CRISP2: variants seen among roughly 807,000 people sequenced by gnomAD.
CRISP2 encodes cysteine-rich secretory protein 2.
A neutral mutation model predicts 31.7 loss-of-function variants in CRISP2; 29 were observed. The ratio of observed to expected loss-of-function variants is 0.92; its 90% CI spans 0.68 to 1.25. The LOEUF is 1.25. Among genes scored for constraint, CRISP2 ranks in the 50% most tolerant of loss-of-function variants. The pLI is 0.00. For synonymous variants in CRISP2, 111 were observed against 101.4 expected (o/e 1.09, Z -0.57); for missense variants, 318 against 286.5 (o/e 1.11, Z -0.79).
At chr6:49,706,358 AAAAGATAACTTTGT>A (rs1425741623) in intron 4 of CRISP2, among the ~76,000 whole-genome samples, 2 of 152,174 alleles carry the variant, frequency 1.3e-5, no homozygotes, top group Non-Finnish European at 2.9e-5. Flanking sequence ...TGGGTTGCTT[AAAAGATAACTTTGT>A]AAAACTAAAA....
chr6:49,699,817 C>T lies in CRISP2; in HGVS notation c.258G>A (p.Glu86=). The T allele has an allele frequency of 6.2e-7, 1 of 1,610,938 alleles. No homozygotes were observed. The highest frequency in any genetic ancestry group is 8.5e-7 in the Non-Finnish European group (1 of 1,177,990). The change falls in exon 6 of 10, where the codon GAG becomes GAA. Residue 86 remains glutamate, a synonymous_variant. Coordinates refer to ENST00000339139, the MANE Select transcript of CRISP2 (RefSeq NM_003296.4). The part of the protein sequence containing the change: ...NKCTLQHSDP[E]DRKTSTRCGE... ...TAATTTACATACTGGTTTTGCGGTC[C>T]TCTGGATCACTATGTTGTAAAGTGC...
chr6:49,709,789 C>A (rs2127436058), intron 3 of CRISP2, among the ~76,000 whole-genome samples: 1 of 152,182 alleles, frequency 6.6e-6, no homozygotes, highest in Middle Eastern at 3.4e-3. Context: ...TGAATATTTT[C>A]AAATTTCTCT....
chr6:49,705,491 T>A (rs2127424969), intron 4 of CRISP2, among the ~76,000 whole-genome samples: 1 of 152,312 alleles, frequency 6.6e-6, no homozygotes, highest in South Asian at 2.1e-4. Context: ...ATTTCCCACC[T>A]ACTGCAGCTT....
chr6:49,709,283 G>T, intron 3 of CRISP2, 78 bp from the exon 4 acceptor site: 1 of 1,189,688 alleles, frequency 8.4e-7, no homozygotes, highest in Non-Finnish European at 1.2e-6. Flanking sequence ...CCAATATAAT[G>T]ATCTCGATTA....
chr6:49,705,563 G>A (rs144985237), intron 4 of CRISP2, among the ~76,000 whole-genome samples: 58 of 152,102 alleles, frequency 3.8e-4, no homozygotes, highest in Non-Finnish European at 7.4e-4. Context: ...ATTTGCACTT[G>A]GTCAAAATTA....
At chr6:49,697,569 A>C (rs1764978146) in intron 8 of CRISP2, 1 of 516,460 alleles carries the variant, frequency 1.9e-6, no homozygotes, top group African/African-American at 2.0e-5. Context: ...AATTCTAGAG[A>C]AATACATATT....
chr6:49,693,551 A>C (rs1764249263), intron 9 of CRISP2, among the ~76,000 whole-genome samples: 1 of 152,080 alleles, frequency 6.6e-6, no homozygotes, highest in Non-Finnish European at 1.5e-5. Context: ...ACTCAATAAA[A>C]CTCAAATTAA....
intron 5 of CRISP2, 70 bp downstream of exon 5, chr6:49,700,598 T>C (rs1240880345): frequency 3.4e-6 from 3 of 871,970 alleles, no homozygotes; most frequent in Admixed American, 1.9e-5. Flanking sequence ...TCTTAAGAGA[T>C]GCCAGTGGCC....
intron 4 of CRISP2, among the ~76,000 whole-genome samples, chr6:49,706,363 A>G (rs10456142): frequency 0.042 from 6,411 of 152,274 alleles, 157 homozygotes; most frequent in Non-Finnish European, 0.058. Context: ...TGCTTAAAAG[A>G]TAACTTTGTA....
intron 8 of CRISP2, among the ~76,000 whole-genome samples, chr6:49,696,412 T>C (rs745610585): frequency 6.6e-6 from 1 of 152,002 alleles, no homozygotes. Flanking sequence ...ATGAAAAATA[T>C]AGCTCCAGAG....
At chr6:49,681,767 A>T in the CRISP2 span, among the ~76,000 whole-genome samples, 1 of 152,090 alleles carries the variant, frequency 6.6e-6, no homozygotes, top group African/African-American at 2.4e-5. Flanking sequence ...AGTTCAAGCA[A>T]TCCTCCTATC....
At chr6:49,689,047 G>T (rs802069), downstream of CRISP2, among the ~76,000 whole-genome samples, 144,299 of 152,130 alleles carry the variant, frequency 0.95, 68,468 homozygotes, top group East Asian at 1. Context: ...AATTTTTGTA[G>T]TTTTGGTAGA....
At chr6:49,697,792 T>C (rs902738462) in intron 8 of CRISP2, 68 bp downstream of exon 8, 2 of 1,604,126 alleles carry the variant, frequency 1.2e-6, no homozygotes, top group Non-Finnish European at 1.7e-6. Flanking sequence ...TGGTTTAAGA[T>C]ATGAGAATTA....
At chr6:49,689,553 T>C (rs1763985155), downstream of CRISP2, among the ~76,000 whole-genome samples, 1 of 152,054 alleles carries the variant, frequency 6.6e-6, no homozygotes. Context: ...AACTAATTAG[T>C]TTAATGAGAT....
At chr6:49,682,203 G>T in the CRISP2 span, among the ~76,000 whole-genome samples, 233 of 151,870 alleles carry the variant, frequency 1.5e-3, no homozygotes, top group African/African-American at 5.3e-3. Context: ...TTAAATTCTG[G>T]GATTTAGCAT....
chr6:49,710,724 T>A (rs1767865522), intron 3 of CRISP2, among the ~76,000 whole-genome samples: 1 of 152,198 alleles, frequency 6.6e-6, no homozygotes, highest in African/African-American at 2.4e-5. Context: ...TTTTTACATA[T>A]CAAATTTTTT....
At chr6:49,689,369 T>C (rs973917221), downstream of CRISP2, among the ~76,000 whole-genome samples, 1 of 152,236 alleles carries the variant, frequency 6.6e-6, no homozygotes, top group Non-Finnish European at 1.5e-5. Context: ...TATGTTTTTA[T>C]TATTTTCTTG....
downstream of CRISP2, among the ~76,000 whole-genome samples, chr6:49,689,325 A>G: frequency 6.6e-6 from 1 of 152,104 alleles, no homozygotes; most frequent in East Asian, 1.9e-4. Flanking sequence ...ATATACCTCT[A>G]GTATGGTATT....
the CRISP2 span, among the ~76,000 whole-genome samples, chr6:49,682,184 C>G: frequency 6.6e-6 from 1 of 152,134 alleles, no homozygotes; most frequent in African/African-American, 2.4e-5. Flanking sequence ...CTTATTTTCA[C>G]AAACTTTTTT....
Sources: gnomAD v4.1 joint callset for allele counts (sites outside exome capture counted in the v4.1 genomes callset) on GRCh38, gnomAD v4.1.1 for gene constraint, MANE v1.5 for transcripts, NCBI Gene and HGNC (gene_info 2026-07-23, HGNC 2026-07-21) for gene names.